The following EPB41L3 variants were observed in gnomAD, a reference collection of about 807,000 sequenced individuals.
The protein encoded by EPB41L3 is band 4.1-like protein 3.
Under a neutral mutation model 127.1 loss-of-function variants are expected in EPB41L3, and 57 were observed. The observed-to-expected ratio is 0.45, with a 90% CI of 0.36 to 0.56. EPB41L3 has a LOEUF of 0.56. Among genes scored for constraint, EPB41L3 ranks in the 20% least tolerant of loss-of-function variants. The pLI is 0.00. For missense variants in EPB41L3, 1,273 were observed against 1,372.2 expected (o/e 0.93, Z 1.14); for synonymous variants, 572 against 549.5 (o/e 1.04, Z -0.57).
Position 5,423,608 on chromosome 18 carries a change from G to A in EPB41L3, c.1164-55C>T. 3.4e-6 allele frequency: 5 copies of A among 1,483,538 alleles called. No individual in the cohort carries two copies. The South Asian group carries it at 5.5e-5, about 16-fold the overall frequency. 91.9% of individuals were successfully genotyped at this position (1,483,538 alleles called of 1,614,324 possible). A position where few individuals can be genotyped will look rare whatever the true frequency, so the allele number is the denominator to read the frequency against. ...GACTATTAAGTCCAATATTGAGAGT[G>A]CTTTTTAAACTTTTTACTCTGAGAG... On this transcript the variant is annotated intron_variant, in intron 10 of 22. Coordinates refer to ENST00000341928, the MANE Select transcript of EPB41L3 (RefSeq NM_012307.5).
intron 11 of EPB41L3, among the ~76,000 whole-genome samples, chr18:5,423,176 A>C (rs1004906854): frequency 2.0e-5 from 3 of 152,178 alleles, no homozygotes; most frequent in African/African-American, 7.2e-5. Context: ...GTAATTTTAC[A>C]TAAACCTGCA....
chr18:5,576,642 C>T (rs895023444), intron 3 of EPB41L3, among the ~76,000 whole-genome samples: 3 of 152,184 alleles, frequency 2.0e-5, no homozygotes, highest in African/African-American at 7.2e-5. Flanking sequence ...GAGACCCATA[C>T]GTAAGACTCT....
chr18:5,520,732 G>A (rs899859195), intron 1 of EPB41L3, among the ~76,000 whole-genome samples: 4 of 152,166 alleles, frequency 2.6e-5, no homozygotes, highest in African/African-American at 4.8e-5. Flanking sequence ...GGCACTGCCA[G>A]GGAGACCTCA....
intron 11 of EPB41L3, 75 bp downstream of exon 11, chr18:5,423,303 C>T (rs977805152): frequency 2.1e-6 from 3 of 1,396,076 alleles, no homozygotes; most frequent in Non-Finnish European, 2.9e-6. Flanking sequence ...TCTATACTTA[C>T]TGAAAGCTCA....
chr18:5,627,418 T>C (rs543973527), intron 1 of EPB41L3, among the ~76,000 whole-genome samples: 1 of 152,314 alleles, frequency 6.6e-6, no homozygotes, highest in East Asian at 1.9e-4. Context: ...GAGACTGTTA[T>C]AAAGGGACTT....
chr18:5,441,462 A>ATTTTTT lies in EPB41L3; in HGVS notation c.529+2370_529+2375dup, dbSNP rs201943060. On this transcript the variant is annotated intron_variant, in intron 5 of 22. Transcript: ENST00000341928. ...ATACAGGTAAAAATATCGAATTCCA[A>ATTTTTT]TTTTTTTTTTTTTTTTTTTTTGACA... is the stretch of plus-strand genomic sequence containing the variant. Among the ~76,000 whole-genome samples the ATTTTTT allele has an allele frequency of 5.0e-4, 70 of 139,734 alleles. 1 individual carries two copies. Among genetic ancestry groups the ATTTTTT allele is most frequent in the African/African-American group, 1.8e-3 (67 of 37,034 alleles). The allele number at this position is 139,734 out of a possible 152,430, so 91.7% of individuals were successfully genotyped here.
chr18:5,418,907 A>AT (rs1250953850), intron 12 of EPB41L3, among the ~76,000 whole-genome samples: 2 of 152,068 alleles, frequency 1.3e-5, no homozygotes, highest in Non-Finnish European at 1.5e-5. Context: ...TATTATGAGC[A>AT]TTTTCATTCT....
At chr18:5,482,888 C>T (rs2088859620) in intron 2 of EPB41L3, among the ~76,000 whole-genome samples, 1 of 152,072 alleles carries the variant, frequency 6.6e-6, no homozygotes, top group African/African-American at 2.4e-5. Context: ...TAAAAAACCA[C>T]TAATGTGCAA....
At chr18:5,602,417 C>A (rs1445870273) in intron 3 of EPB41L3, among the ~76,000 whole-genome samples, 1 of 152,188 alleles carries the variant, frequency 6.6e-6, no homozygotes, top group Non-Finnish European at 1.5e-5. Flanking sequence ...ATAGGGACTC[C>A]ACAGATTTAC....
upstream of EPB41L3, among the ~76,000 whole-genome samples, chr18:5,629,322 G>A (rs1381400361): frequency 6.6e-6 from 1 of 151,748 alleles, no homozygotes; most frequent in East Asian, 2.0e-4. Context: ...AGCTGGCGGC[G>A]AGGGGAGGCG....
At chr18:5,560,070 C>T (rs751349058) in intron 3 of EPB41L3, among the ~76,000 whole-genome samples, 1 of 152,194 alleles carries the variant, frequency 6.6e-6, no homozygotes, top group Non-Finnish European at 1.5e-5. Context: ...TTACACAATA[C>T]GACCATTCCC....
rs2093799290 is a variant in EPB41L3, at chr18:5,543,367, C to G, written c.-12+546G>C. 6.7e-6 allele frequency: 1 copy of G among 148,194 alleles called. No homozygotes were observed. The highest frequency in any genetic ancestry group is 1.5e-5 in the Non-Finnish European group (1 of 66,626). The allele number at this position is 148,194 out of a possible 1,614,324, so 9.2% of individuals were successfully genotyped here. A position where few individuals can be genotyped will look rare whatever the true frequency, so the allele number is the denominator to read the frequency against. ...GCCTGCACCCGGGACGAGCCCGCTGCCGCCGCGCGCTGAGCGCAGGGCCCC... is the reference window on the plus strand; with the variant it reads ...GCCTGCACCCGGGACGAGCCCGCTGGCGCCGCGCGCTGAGCGCAGGGCCCC... On this transcript the variant is annotated intron_variant, in intron 1 of 22. Transcript: ENST00000341928. This position sits in a 1 kb window ranked among gnomAD's most constrained non-coding sequence, Gnocchi z 5.2.
chr18:5,586,484 T>C (rs563538006), intron 3 of EPB41L3, among the ~76,000 whole-genome samples: 123 of 151,720 alleles, frequency 8.1e-4, no homozygotes, highest in Non-Finnish European at 1.6e-3. Flanking sequence ...ACTGCAGCCT[T>C]GACCTTCTAG....
rs1221669227 is a variant in EPB41L3, at chr18:5,561,914, G to T, written c.-306+50426C>A. On this transcript the variant is annotated intron_variant, in intron 3 of 21. Coordinates refer to the EPB41L3 transcript ENST00000545076. ...TGCATACCCTCAATCTAACCATGGGGAAACATGAGACAAATCCAAATTAAG... is the reference window on the plus strand; with the variant it reads ...TGCATACCCTCAATCTAACCATGGGTAAACATGAGACAAATCCAAATTAAG... Among the ~76,000 whole-genome samples, 8 of 152,164 alleles carry T rather than the reference G, an allele frequency of 5.3e-5. No individual in the cohort carries two copies. The South Asian group carries it at 1.7e-3, about 32-fold the overall frequency.
chr18:5,417,864 T>C (rs4797211), intron 12 of EPB41L3, among the ~76,000 whole-genome samples: 7,924 of 152,196 alleles, frequency 0.052, 373 homozygotes, highest in African/African-American at 0.12. Flanking sequence ...CTGCTACACA[T>C]TAACTTCTGC....
intron 1 of EPB41L3, among the ~76,000 whole-genome samples, chr18:5,514,946 A>C (rs2092693378): frequency 6.6e-6 from 1 of 152,216 alleles, no homozygotes; most frequent in African/African-American, 2.4e-5. Flanking sequence ...TTAAAACACA[A>C]TTCTGACCTA....
chr18:5,621,329 A>G (rs960827881), intron 1 of EPB41L3, among the ~76,000 whole-genome samples: 36 of 152,326 alleles, frequency 2.4e-4, no homozygotes, highest in Non-Finnish European at 3.1e-4. Context: ...TAGAATGACT[A>G]TTTTGTGAGT....
intron 3 of EPB41L3, among the ~76,000 whole-genome samples, chr18:5,476,702 G>C (rs2087302210): frequency 4.7e-5 from 7 of 150,384 alleles, no homozygotes; most frequent in Admixed American, 4.6e-4. Context: ...TCCAGAAAAT[G>C]CATCTACACT....
At chr18:5,512,870 G>C (rs2092593735) in intron 1 of EPB41L3, among the ~76,000 whole-genome samples, 1 of 152,112 alleles carries the variant, frequency 6.6e-6, no homozygotes, top group Non-Finnish European at 1.5e-5. Flanking sequence ...AAATCCTCTA[G>C]TTCCCTACTT....
Sources: allele counts gnomAD v4.1 joint callset (sites outside exome capture counted in the v4.1 genomes callset), GRCh38; gene constraint gnomAD v4.1.1; non-coding constraint Gnocchi (gnomAD v3.1); transcripts MANE v1.5; gene names NCBI Gene and HGNC (gene_info 2026-07-23, HGNC 2026-07-21).